Variants in DMD observed in about 807,000 individuals in gnomAD.
DMD encodes mutant dystrophin.
A neutral mutation model predicts 330.1 loss-of-function variants in DMD; 63 were observed. The observed-to-expected ratio is 0.19, with a 90% CI of 0.16 to 0.24. The LOEUF is 0.24. DMD is among the 10% of genes least tolerant of loss of function. DMD has a pLI of 1.00. For missense variants in DMD, 3,344 were observed against 2,684.1 expected (o/e 1.25, Z -5.43); for synonymous variants, 1,223 against 959.8 (o/e 1.27, Z -5.07).
chrX:32,717,220 C>A (rs141863160), intron 7 of DMD, among the ~76,000 whole-genome samples: 146 of 111,184 alleles, frequency 1.3e-3, no homozygotes, highest in African/African-American at 4.7e-3. Flanking sequence ...TGCAGCAGCC[C>A]CTCCTATCAC....
intron 19 of DMD, among the ~76,000 whole-genome samples, chrX:32,496,370 T>C (rs1180536331): frequency 3.6e-5 from 4 of 111,976 alleles, no homozygotes; most frequent in Non-Finnish European, 1.9e-5. Flanking sequence ...AAATGTAATA[T>C]AGAGATATTC....
At chrX:32,084,785 C>A (rs764819249) in intron 44 of DMD, among the ~76,000 whole-genome samples, 2 of 111,168 alleles carry the variant, frequency 1.8e-5, no homozygotes, top group Non-Finnish European at 3.8e-5. Context: ...ACAGTAAATT[C>A]ACTCTGAGAG....
chrX:32,247,980 A>G (rs2097247918), intron 43 of DMD, among the ~76,000 whole-genome samples: 1 of 111,895 alleles, frequency 8.9e-6, no homozygotes, highest in Admixed American at 9.6e-5. Context: ...ATGAAGATGT[A>G]TATTTAAATG....
At chrX:32,624,002 T>A (rs781112515) in intron 11 of DMD, among the ~76,000 whole-genome samples, 1 of 112,119 alleles carries the variant, frequency 8.9e-6, no homozygotes, top group East Asian at 2.8e-4. Context: ...AATTTCTTTG[T>A]TGATGAAAAT....
At chrX:32,326,747 A>C (rs1279962309) in intron 41 of DMD, among the ~76,000 whole-genome samples, 1 of 110,198 alleles carries the variant, frequency 9.1e-6, no homozygotes, top group Non-Finnish European at 1.9e-5. Flanking sequence ...TGTACTAAAA[A>C]AATAAAAAAA....
intron 53 of DMD, among the ~76,000 whole-genome samples, chrX:31,671,794 C>T (rs1350201440): frequency 9.0e-6 from 1 of 111,547 alleles, no homozygotes; most frequent in Non-Finnish European, 1.9e-5. Context: ...CCATTTCTTT[C>T]CTAACCAATC....
At chrX:32,479,674 A>G (rs2041631087) in intron 21 of DMD, among the ~76,000 whole-genome samples, 1 of 109,704 alleles carries the variant, frequency 9.1e-6, no homozygotes, top group Admixed American at 9.9e-5. Flanking sequence ...TAGACACTGG[A>G]ATATATTTAT....
intron 50 of DMD, among the ~76,000 whole-genome samples, chrX:31,782,878 C>T (rs767671533): frequency 4.3e-4 from 48 of 111,526 alleles, no homozygotes; most frequent in Non-Finnish European, 8.3e-4. Flanking sequence ...AATCAGGCAG[C>T]CAGCATTTGA....
chrX:31,600,226 C>A (rs2077280384), intron 55 of DMD, among the ~76,000 whole-genome samples: 1 of 112,203 alleles, frequency 8.9e-6, no homozygotes, highest in South Asian at 3.7e-4. Flanking sequence ...AGCCATCGCA[C>A]CCCAAGTGTA....
intron 44 of DMD, among the ~76,000 whole-genome samples, chrX:32,193,191 T>C (rs886540703): frequency 8.9e-6 from 1 of 111,909 alleles, no homozygotes; most frequent in Non-Finnish European, 1.9e-5. Flanking sequence ...GATGCTGCTA[T>C]GCTTCCGGTA....
chrX:32,043,244 C>T (rs763167009), intron 44 of DMD, among the ~76,000 whole-genome samples: 7 of 112,049 alleles, frequency 6.2e-5, no homozygotes, highest in African/African-American at 1.3e-4. Flanking sequence ...TAAGAGATGA[C>T]GACAGGTAAT....
Position 32,607,044 on chromosome X carries a change from C to T in DMD, c.1482+7259G>A, listed in dbSNP as rs114750029. Among the ~76,000 whole-genome samples the T allele has an allele frequency of 3.9e-3, 430 of 109,166 alleles. 2 individuals carry two copies. Among genetic ancestry groups the T allele is most frequent in the African/African-American group, 0.013 (406 of 30,342 alleles). 94.8% of individuals were successfully genotyped at this position (109,166 alleles called of 115,157 possible). ...AAAATTACCTATTGAGTATAGTGTTCGCTATTCAGATTATGGATATACTAA... is the reference window on the plus strand; with the variant it reads ...AAAATTACCTATTGAGTATAGTGTTTGCTATTCAGATTATGGATATACTAA... On this transcript the variant is annotated intron_variant, in intron 12 of 78. Transcript: ENST00000357033.
At chrX:32,463,337 C>G (rs189715757) in intron 25 of DMD, 102 bp downstream of exon 25, 1 of 778,106 alleles carries the variant, frequency 1.3e-6, no homozygotes, top group Non-Finnish European at 1.8e-6. Flanking sequence ...AAAGCAAAAA[C>G]ATAGGAACAA....
chrX:31,782,861 G>T (rs2091090874), intron 50 of DMD, among the ~76,000 whole-genome samples: 1 of 111,799 alleles, frequency 8.9e-6, no homozygotes, highest in Non-Finnish European at 1.9e-5. Flanking sequence ...ACTCTATGAG[G>T]TCAATAAATC....
chrX:31,800,471 C>G (rs1053090811), intron 50 of DMD, among the ~76,000 whole-genome samples: 5 of 111,965 alleles, frequency 4.5e-5, no homozygotes, highest in Non-Finnish European at 9.4e-5. Flanking sequence ...CAAAGCAGCA[C>G]GGCCCTGTGC....
chrX:31,444,014 C>T (rs867851577), intron 60 of DMD, among the ~76,000 whole-genome samples: 1 of 110,811 alleles, frequency 9.0e-6, no homozygotes, highest in African/African-American at 3.3e-5. Flanking sequence ...GCCATTCTCA[C>T]GGTAGTGAGC....
intron 43 of DMD, among the ~76,000 whole-genome samples, chrX:32,239,749 T>C (rs1180603022): frequency 1.8e-5 from 2 of 111,734 alleles, no homozygotes; most frequent in African/African-American, 6.5e-5. Context: ...ATAACAAAAT[T>C]ACACTGGTAA....
intron 55 of DMD, among the ~76,000 whole-genome samples, chrX:31,514,841 T>C (rs1484513283): frequency 9.1e-6 from 1 of 110,206 alleles, no homozygotes; most frequent in Admixed American, 9.7e-5. Context: ...AAGAATAGCA[T>C]GGGAATGGAG....
intron 2 of DMD, among the ~76,000 whole-genome samples, chrX:32,909,642 G>A (rs1305018228): frequency 9.0e-6 from 1 of 111,071 alleles, no homozygotes; most frequent in Non-Finnish European, 1.9e-5. Context: ...GTAGAAATGC[G>A]TCCACAAAAT....
Sources: gnomAD v4.1 joint callset for allele counts (sites outside exome capture counted in the v4.1 genomes callset) on GRCh38, gnomAD v4.1.1 for gene constraint, MANE v1.5 for transcripts, NCBI Gene and HGNC (gene_info 2026-07-23, HGNC 2026-07-21) for gene names.